Variants in DGKD observed in about 807,000 individuals in gnomAD.
The protein encoded by DGKD is DAG kinase delta.
In DGKD, 68 loss-of-function variants were observed where a neutral mutation model predicts 154.4. The observed-to-expected ratio is 0.44, with a 90% CI of 0.36 to 0.54. The LOEUF is 0.54. DGKD is among the 20% of genes least tolerant of loss of function. The pLI is 0.00. For missense variants in DGKD, 1,343 were observed against 1,593.6 expected (o/e 0.84, Z 2.68); for synonymous variants, 693 against 638.0 (o/e 1.09, Z -1.30).
At chr2:233,461,359 C>T (rs964519522) in intron 24 of DGKD, among the ~76,000 whole-genome samples, 1 of 152,264 alleles carries the variant, frequency 6.6e-6, no homozygotes, top group East Asian at 1.9e-4. Flanking sequence ...TCCAGGCAGC[C>T]TGCCCAGCCC....
chr2:233,411,243 T>C (rs1320306374), intron 3 of DGKD, among the ~76,000 whole-genome samples: 1 of 152,212 alleles, frequency 6.6e-6, no homozygotes, highest in East Asian at 1.9e-4. Context: ...TAGGTATATG[T>C]TTAACTTCTT....
chr2:233,457,469 A>G lies in DGKD; in HGVS notation c.2580+141A>G, dbSNP rs1338024548. The G allele has an allele frequency of 8.3e-6, 6 of 722,466 alleles. No individual in the cohort carries two copies. Among genetic ancestry groups the G allele is most frequent in the Non-Finnish European group, 7.5e-6 (3 of 401,508 alleles). 44.8% of individuals were successfully genotyped at this position (722,466 alleles called of 1,614,324 possible). A position where few individuals can be genotyped will look rare whatever the true frequency, so the allele number is the denominator to read the frequency against. On this transcript the variant is annotated intron_variant, in intron 21 of 29. Coordinates refer to ENST00000264057, the MANE Select transcript of DGKD (RefSeq NM_152879.3). This position sits in a 1 kb window ranked among gnomAD's most constrained non-coding sequence, Gnocchi z 5.5. ...GGGGTTGCCGTGGAGAACAAGATAG[A>G]CAGGGTCCCCCACCCAGCTCATCGT...
At chr2:233,462,275 G>A in intron 24 of DGKD, 73 bp from the exon 25 acceptor site, 3 of 1,269,214 alleles carry the variant, frequency 2.4e-6, no homozygotes, top group Admixed American at 1.8e-5. Flanking sequence ...CCTGGGCCGT[G>A]TTCAGATGCG....
chr2:233,426,536 CT>C (rs988112692), intron 3 of DGKD, among the ~76,000 whole-genome samples: 50 of 152,206 alleles, frequency 3.3e-4, no homozygotes, highest in African/African-American at 1.1e-3. Context: ...GTTTTTTTAA[CT>C]TTATGTAATG....
intron 3 of DGKD, among the ~76,000 whole-genome samples, chr2:233,392,960 T>G (rs1703729691): frequency 6.6e-6 from 1 of 152,228 alleles, no homozygotes; most frequent in Non-Finnish European, 1.5e-5. Context: ...CATTTTTGTT[T>G]TCTTTGTTTT....
At chr2:233,388,161 C>T (rs1703311225) in intron 1 of DGKD, 96 bp from the exon 2 acceptor site, 8 of 1,559,132 alleles carry the variant, frequency 5.1e-6, no homozygotes, top group Admixed American at 3.9e-5. Context: ...GTTAGAGACA[C>T]GAATATGTTT....
chr2:233,448,081 T>C lies in DGKD; in HGVS notation c.1420-6T>C, dbSNP rs1346260855. 3 of 1,613,960 alleles carry C rather than the reference T, an allele frequency of 1.9e-6. No individual in the cohort carries two copies. Among genetic ancestry groups the C allele is most frequent in the South Asian group, 2.2e-5 (2 of 91,072 alleles). On this transcript the variant is annotated splice_polypyrimidine_tract_variant and splice_region_variant and intron_variant, in intron 12 of 29. Transcript: ENST00000264057. ...CAACAGTCCTGGCCATTTGGGGTGA[T>C]TGCAGGTACAGCAGATTCTCTTCTA...
chr2:233,370,495 GCGTGAGC>G (rs1224367631), intron 1 of DGKD, among the ~76,000 whole-genome samples: 2 of 151,774 alleles, frequency 1.3e-5, no homozygotes, highest in Non-Finnish European at 2.9e-5. Flanking sequence ...GGGATTACAT[GCGTGAGC>G]CACCGCACCC....
intron 3 of DGKD, among the ~76,000 whole-genome samples, chr2:233,404,602 T>C (rs1435485064): frequency 6.6e-6 from 1 of 152,236 alleles, no homozygotes; most frequent in East Asian, 1.9e-4. Flanking sequence ...CTATTTACTT[T>C]ACACCATTTT....
intron 1 of DGKD, chr2:233,386,199 T>A (rs1426011820): frequency 3.0e-6 from 1 of 336,954 alleles, no homozygotes; most frequent in Non-Finnish European, 5.9e-6. Context: ...TGGAAGTGAT[T>A]GCTTTCCCCA....
chr2:233,450,007 C>T lies in DGKD; in HGVS notation c.1914C>T (p.Thr638=), dbSNP rs370705611. 4.3e-5 allele frequency: 70 copies of T among 1,610,410 alleles called. No homozygotes were observed. The African/African-American group carries it at 8.4e-4, about 19-fold the overall frequency. Residue 638 remains threonine, a synonymous_variant, in exon 16 of 30, where the codon ACC becomes ACT. Transcript: ENST00000264057. ...EKAVDEQNAQ[T]QEQEGFVLGL... ...CTGTCGATGAGCAGAATGCCCAGACCCAGGAGCAGGAGGGCTTCGTCCTGG... is the reference window on the plus strand; with the variant it reads ...CTGTCGATGAGCAGAATGCCCAGACTCAGGAGCAGGAGGGCTTCGTCCTGG...
At chr2:233,357,768 C>G (rs892028427) in intron 1 of DGKD, among the ~76,000 whole-genome samples, 1 of 152,160 alleles carries the variant, frequency 6.6e-6, no homozygotes, top group Non-Finnish European at 1.5e-5. Flanking sequence ...AACTCCTGAG[C>G]TCAAGTAATA....
rs1249101219 is a variant in DGKD, at chr2:233,458,103, G to A, written c.2581-181G>A. On this transcript the variant is annotated intron_variant, in intron 21 of 29. Transcript: ENST00000264057. This position sits in a 1 kb window ranked among gnomAD's most constrained non-coding sequence, Gnocchi z 6.6. ...AGTAACTTTGCCGAGATGAGAGCTG[G>A]GATTTGGTCCCAGGCAGCTGGTTTC... 1.9e-6 allele frequency: 1 copy of A among 532,300 alleles called. No individual in the cohort carries two copies. The highest frequency in any genetic ancestry group is 3.4e-6 in the Non-Finnish European group (1 of 295,124). The allele number at this position is 532,300 out of a possible 1,614,324, so 33.0% of individuals were successfully genotyped here. A position where few individuals can be genotyped will look rare whatever the true frequency, so the allele number is the denominator to read the frequency against.
intron 3 of DGKD, among the ~76,000 whole-genome samples, chr2:233,406,812 C>A (rs1050192328): frequency 6.6e-6 from 1 of 152,246 alleles, no homozygotes; most frequent in South Asian, 2.1e-4. Flanking sequence ...GACATCCTCC[C>A]GGTTGATCTT....
chr2:233,429,186 G>C, intron 3 of DGKD: 1 of 985,376 alleles, frequency 1.0e-6, no homozygotes, highest in Non-Finnish European at 1.2e-6. Flanking sequence ...TGGCACTTCA[G>C]CTCGTAAAGG....
At chr2:233,365,295 A>G (rs558964857) in intron 1 of DGKD, among the ~76,000 whole-genome samples, 3 of 151,950 alleles carry the variant, frequency 2.0e-5, no homozygotes, top group African/African-American at 7.2e-5. Context: ...TAATGGTGCA[A>G]TCTCTGCTCA....
intron 16 of DGKD, 94 bp downstream of exon 16, chr2:233,450,225 T>A: frequency 7.0e-7 from 1 of 1,422,260 alleles, no homozygotes; most frequent in Admixed American, 2.8e-5. Flanking sequence ...GGGCACTTTC[T>A]CATAGTTGCT....
intron 13 of DGKD, 21 bp downstream of exon 13, chr2:233,448,202 G>T: frequency 3.7e-6 from 6 of 1,614,144 alleles, no homozygotes; most frequent in Non-Finnish European, 5.1e-6. Context: ...GGTGGCCCTG[G>T]GGAGGGCATG....
intron 3 of DGKD, among the ~76,000 whole-genome samples, chr2:233,428,401 C>T (rs1420799873): frequency 6.6e-6 from 1 of 152,096 alleles, no homozygotes; most frequent in Non-Finnish European, 1.5e-5. Flanking sequence ...ACCACTGATA[C>T]CAGAGCAGTC....
Sources: allele counts gnomAD v4.1 joint callset (sites outside exome capture counted in the v4.1 genomes callset), GRCh38; gene constraint gnomAD v4.1.1; non-coding constraint Gnocchi (gnomAD v3.1); transcripts MANE v1.5; gene names NCBI Gene and HGNC (gene_info 2026-07-23, HGNC 2026-07-21).